The following RUFY1 variants were observed in gnomAD, a reference collection of about 807,000 sequenced individuals.
RUFY1 encodes RUN and FYVE domain-containing protein 1.
RUFY1 carries 54 observed loss-of-function variants against 94.6 expected under a neutral mutation model. That is an observed-to-expected ratio of 0.57 (90% confidence interval 0.46 to 0.72). The LOEUF is 0.72. Among genes scored for constraint, RUFY1 ranks in the 30% least tolerant of loss-of-function variants. The pLI is 0.00. For synonymous variants in RUFY1, 396 were observed against 347.3 expected (o/e 1.14, Z -1.56); for missense variants, 883 against 883.9 (o/e 1.00, Z 0.01).
chr5:179,609,369 C>T lies in RUFY1; in HGVS notation c.1984-7C>T, dbSNP rs571187283. 7.4e-6 allele frequency: 12 copies of T among 1,612,744 alleles called. 1 individual carries two copies. The highest frequency in any genetic ancestry group is 2.7e-5 in the African/African-American group (2 of 74,884). ...TGTCCTGTGACCGCCTTCTTCCCGT[C>T]CTGTAGCACCACTGCCGGAACTGTG... On this transcript the variant is annotated splice_region_variant and splice_polypyrimidine_tract_variant and intron_variant, in intron 17 of 17. Transcript: ENST00000319449.
chr5:179,601,318 G>A (rs977904336), intron 14 of RUFY1, among the ~76,000 whole-genome samples: 2 of 151,780 alleles, frequency 1.3e-5, no homozygotes, highest in Non-Finnish European at 2.9e-5. Flanking sequence ...ACAGGTGCCT[G>A]CCACCACACC....
At chr5:179,584,097 A>C (rs946660246) in intron 7 of RUFY1, among the ~76,000 whole-genome samples, 2 of 152,188 alleles carry the variant, frequency 1.3e-5, no homozygotes, top group Admixed American at 6.5e-5. Flanking sequence ...TAAATTATCA[A>C]GTTGGCACAG....
At chr5:179,556,176 A>G (rs1762107980) in intron 1 of RUFY1, among the ~76,000 whole-genome samples, 1 of 152,154 alleles carries the variant, frequency 6.6e-6, no homozygotes, top group African/African-American at 2.4e-5. Context: ...ACCACCATCC[A>G]TCTTTAAAAT....
Position 179,596,099 on chromosome 5 carries a change from C to T in RUFY1, c.1512-463C>T, listed in dbSNP as rs992171501. ...AGCTAGAAGCAATCCCAATGTTCTG[C>T]ATTGGGTGATGGATAAACAAAGTGG... On this transcript the variant is annotated intron_variant, in intron 12 of 17. Transcript: ENST00000319449. 1.9e-5 allele frequency: 4 copies of T among 206,800 alleles called. No individual in the cohort carries two copies. In the Admixed American group the frequency reaches 2.1e-4, roughly 11 times the overall value. The allele number at this position is 206,800 out of a possible 1,614,324, so 12.8% of individuals were successfully genotyped here.
intron 16 of RUFY1, 103 bp from the exon 17 acceptor site, chr5:179,607,479 G>A: frequency 1.1e-6 from 1 of 908,692 alleles, no homozygotes; most frequent in Non-Finnish European, 1.8e-6. Flanking sequence ...GCCTCACTAG[G>A]AAACAGGTGC....
chr5:179,567,937 T>C (rs1016971151), intron 4 of RUFY1, among the ~76,000 whole-genome samples: 21 of 151,732 alleles, frequency 1.4e-4, no homozygotes, highest in Non-Finnish European at 2.5e-4. Flanking sequence ...GTTCTGTAGA[T>C]CATTTTGAAT....
chr5:179,569,838 G>A (rs1205007148), intron 5 of RUFY1, among the ~76,000 whole-genome samples: 4 of 152,024 alleles, frequency 2.6e-5, no homozygotes, highest in South Asian at 2.1e-4. Flanking sequence ...TCCGCCTCCC[G>A]GGTTCACACC....
At chr5:179,550,908 C>T in intron 1 of RUFY1, 29 bp downstream of exon 1, 1 of 1,101,116 alleles carries the variant, frequency 9.1e-7, no homozygotes, top group Non-Finnish European at 1.1e-6. Flanking sequence ...TGTCCCGCGG[C>T]GGACTCGCGT....
chr5:179,599,889 AATGGACAC>A (rs990382635), intron 14 of RUFY1, among the ~76,000 whole-genome samples: 3 of 152,234 alleles, frequency 2.0e-5, no homozygotes, highest in African/African-American at 7.2e-5. Flanking sequence ...TGAACGTGGT[AATGGACAC>A]ACTGCACGAT....
chr5:179,601,559 G>T (rs1439816344), intron 14 of RUFY1, among the ~76,000 whole-genome samples: 1 of 150,008 alleles, frequency 6.7e-6, no homozygotes, highest in South Asian at 2.1e-4. Flanking sequence ...AGTGGCTCAC[G>T]CCTGTAATCC....
chr5:179,579,203 A>G lies in RUFY1; in HGVS notation c.891-1744A>G, dbSNP rs532970552. Among the ~76,000 whole-genome samples, 17 of 152,350 alleles carry G rather than the reference A, an allele frequency of 1.1e-4. 1 individual carries two copies. The South Asian group carries it at 3.5e-3, about 32-fold the overall frequency. On this transcript the variant is annotated intron_variant, in intron 6 of 17. Coordinates refer to ENST00000319449, the MANE Select transcript of RUFY1 (RefSeq NM_025158.5). ...AGTGCACCTTACCAAAGAATGGACC[A>G]GCAAGAACCACACTAAAGCTTCATG...
At chr5:179,571,159 A>G (rs556061021) in intron 5 of RUFY1, among the ~76,000 whole-genome samples, 14 of 152,276 alleles carry the variant, frequency 9.2e-5, no homozygotes, top group East Asian at 7.7e-4. Context: ...TTAACGTACA[A>G]TTATGTAACC....
chr5:179,570,743 T>C (rs1440553338), intron 5 of RUFY1, among the ~76,000 whole-genome samples: 1 of 152,056 alleles, frequency 6.6e-6, no homozygotes, highest in African/African-American at 2.4e-5. Context: ...GATCCCTCCA[T>C]GTGCAGGTCA....
At chr5:179,608,969 A>ACACTTTG (rs1203353646) in intron 17 of RUFY1, among the ~76,000 whole-genome samples, 14 of 149,046 alleles carry the variant, frequency 9.4e-5, no homozygotes, top group Non-Finnish European at 1.6e-4. Flanking sequence ...TGTAATCCCA[A>ACACTTTG]CACTTTGGGA....
intron 1 of RUFY1, among the ~76,000 whole-genome samples, chr5:179,552,282 C>A (rs1441491097): frequency 2.0e-5 from 3 of 151,632 alleles, no homozygotes; most frequent in East Asian, 3.9e-4. Flanking sequence ...TAGAACATTG[C>A]CAACTTCATA....
intron 14 of RUFY1, chr5:179,600,166 AC>A (rs1202147270): frequency 1.3e-5 from 2 of 152,228 alleles, no homozygotes; most frequent in African/African-American, 4.8e-5. Context: ...ATGTCTAATA[AC>A]CCCAGTTAAG....
At chr5:179,556,388 G>A (rs932364633) in intron 1 of RUFY1, among the ~76,000 whole-genome samples, 2 of 151,974 alleles carry the variant, frequency 1.3e-5, no homozygotes, top group Non-Finnish European at 2.9e-5. Flanking sequence ...AGCTCTAAGT[G>A]TATAAAAATT....
intron 1 of RUFY1, among the ~76,000 whole-genome samples, chr5:179,556,005 T>G (rs1762101122): frequency 6.6e-6 from 1 of 152,026 alleles, no homozygotes; most frequent in Non-Finnish European, 1.5e-5. Flanking sequence ...GCCGAAAACT[T>G]AACTTTTAAA....
intron 10 of RUFY1, among the ~76,000 whole-genome samples, chr5:179,592,565 T>G (rs1252387307): frequency 2.6e-5 from 4 of 152,170 alleles, no homozygotes; most frequent in Non-Finnish European, 5.9e-5. Flanking sequence ...TTATAAATCT[T>G]TACAGGGATT....
Sources: allele counts gnomAD v4.1 joint callset (sites outside exome capture counted in the v4.1 genomes callset), GRCh38; gene constraint gnomAD v4.1.1; transcripts MANE v1.5; gene names NCBI Gene and HGNC (gene_info 2026-07-23, HGNC 2026-07-21).